The following NEGR1 variants were observed in gnomAD, a reference collection of about 807,000 sequenced individuals.
NEGR1 encodes neuronal growth regulator 1.
A neutral mutation model predicts 40.9 loss-of-function variants in NEGR1; 10 were observed. The ratio of observed to expected loss-of-function variants is 0.24; its 90% CI spans 0.15 to 0.42. The LOEUF is 0.42. NEGR1 is among the 10% of genes least tolerant of loss of function. The pLI is 1.00. For missense variants in NEGR1, 352 were observed against 438.9 expected, an observed-to-expected ratio of 0.80 and a Z score of 1.77; for synonymous variants, 185 against 166.8, an observed-to-expected ratio of 1.11 and a Z score of -0.84.
chr1:71,813,648 C>T (rs1658086902), intron 2 of NEGR1, among the ~76,000 whole-genome samples: 1 of 152,050 alleles, frequency 6.6e-6, no homozygotes, highest in African/African-American at 2.4e-5. Flanking sequence ...AGGTCCTTCA[C>T]TTCTCTTATT....
At chr1:71,550,550 C>A (rs1413201662) in intron 6 of NEGR1, among the ~76,000 whole-genome samples, 1 of 151,452 alleles carries the variant, frequency 6.6e-6, no homozygotes, top group African/African-American at 2.4e-5. Flanking sequence ...AGAACATCCA[C>A]ACTCTCATTC....
At chr1:71,941,696 A>C (rs996441516) in intron 1 of NEGR1, among the ~76,000 whole-genome samples, 1 of 152,142 alleles carries the variant, frequency 6.6e-6, no homozygotes, top group African/African-American at 2.4e-5. Flanking sequence ...CTAAGTGAGA[A>C]CTGCACTTCA....
At chr1:71,963,873 TA>T in intron 1 of NEGR1, among the ~76,000 whole-genome samples, 1 of 152,306 alleles carries the variant, frequency 6.6e-6, no homozygotes, top group East Asian at 1.9e-4. Flanking sequence ...ATGCAAGAAA[TA>T]CGAGTCCAAA....
chr1:72,079,097 A>T (rs1053490716), intron 1 of NEGR1, among the ~76,000 whole-genome samples: 2 of 147,884 alleles, frequency 1.4e-5, no homozygotes, highest in African/African-American at 4.9e-5. Context: ...ATATATATAT[A>T]TATATATATA....
intron 2 of NEGR1, among the ~76,000 whole-genome samples, chr1:71,897,469 G>C (rs1661004896): frequency 6.6e-6 from 1 of 152,118 alleles, no homozygotes; most frequent in Non-Finnish European, 1.5e-5. Context: ...ATACTAGTCT[G>C]ATATATCTAA....
At chr1:72,037,736 C>G (rs1646916068) in intron 1 of NEGR1, among the ~76,000 whole-genome samples, 1 of 152,096 alleles carries the variant, frequency 6.6e-6, no homozygotes, top group Non-Finnish European at 1.5e-5. Context: ...ACATCTGAAT[C>G]TATTTCCATT....
intron 2 of NEGR1, among the ~76,000 whole-genome samples, chr1:71,779,175 A>G (rs1432729176): frequency 1.3e-5 from 2 of 152,206 alleles, no homozygotes; most frequent in African/African-American, 4.8e-5. Flanking sequence ...AAATCCTTAC[A>G]TGCACGGTGG....
intron 6 of NEGR1, among the ~76,000 whole-genome samples, chr1:71,577,116 A>T (rs1557573366): frequency 1.3e-5 from 2 of 152,006 alleles, no homozygotes; most frequent in African/African-American, 2.4e-5. Context: ...CAGAATTGTA[A>T]TTTTTTTTGT....
chr1:72,161,687 T>C (rs1398648735), intron 1 of NEGR1, among the ~76,000 whole-genome samples: 3 of 139,044 alleles, frequency 2.2e-5, no homozygotes. Flanking sequence ...TTTTTTTTTT[T>C]TTTTTTTTTT....
chr1:71,958,756 G>A (rs992086755), intron 1 of NEGR1, among the ~76,000 whole-genome samples: 2 of 151,838 alleles, frequency 1.3e-5, no homozygotes, highest in East Asian at 1.9e-4. Flanking sequence ...GTTTGAGACC[G>A]GCCTGGCCAA....
At chr1:71,688,049 A>C (rs1170357862) in intron 4 of NEGR1, among the ~76,000 whole-genome samples, 1 of 151,748 alleles carries the variant, frequency 6.6e-6, no homozygotes, top group African/African-American at 2.4e-5. Context: ...ACATACATTG[A>C]TTATCAGTTA....
chr1:72,221,950 C>T (rs893509008), intron 1 of NEGR1, among the ~76,000 whole-genome samples: 17 of 152,044 alleles, frequency 1.1e-4, no homozygotes, highest in African/African-American at 2.9e-4. Flanking sequence ...TCTAGGCCCA[C>T]CCCCAAGACT....
At chr1:71,844,816 C>CT (rs1230593729) in intron 2 of NEGR1, among the ~76,000 whole-genome samples, 1 of 152,196 alleles carries the variant, frequency 6.6e-6, no homozygotes, top group Non-Finnish European at 1.5e-5. Flanking sequence ...CACATGGTGA[C>CT]TGGCCTTGGC....
chr1:71,723,738 T>A (rs2101656129), intron 3 of NEGR1, among the ~76,000 whole-genome samples: 1 of 152,226 alleles, frequency 6.6e-6, no homozygotes, highest in Admixed American at 6.5e-5. Flanking sequence ...TCCAGGAAAT[T>A]ACAGAACCAG....
At chr1:71,832,789 T>C (rs1382946524) in intron 2 of NEGR1, among the ~76,000 whole-genome samples, 1 of 152,018 alleles carries the variant, frequency 6.6e-6, no homozygotes, top group Admixed American at 6.6e-5. Flanking sequence ...GTAAAGTGCA[T>C]TGCCATGATT....
intron 6 of NEGR1, among the ~76,000 whole-genome samples, chr1:71,466,607 T>C (rs909726417): frequency 6.6e-6 from 1 of 152,066 alleles, no homozygotes; most frequent in African/African-American, 2.4e-5. Flanking sequence ...GAAGTCATGA[T>C]TGACAAAAAT....
intron 1 of NEGR1, among the ~76,000 whole-genome samples, chr1:72,275,485 A>C (rs1341868978): frequency 6.6e-6 from 1 of 152,132 alleles, no homozygotes; most frequent in Admixed American, 6.6e-5. Context: ...AGGGAAAAAA[A>C]ACAATAAATT....
rs1201267150 is a variant in NEGR1 at position 72,068,870 on chromosome 1, A to C, written c.177-133559T>G. 2.6e-5 allele frequency among the ~76,000 whole-genome samples: 4 copies of C among 152,178 alleles called. No homozygotes were observed. In the East Asian group the frequency reaches 7.7e-4, roughly 29 times the overall value. On this transcript the variant is annotated intron_variant, in intron 1 of 6. Coordinates refer to ENST00000357731, the MANE Select transcript of NEGR1 (RefSeq NM_173808.3). ...GTAGCAGCTAAATATGTAATCATTT[A>C]AATTTAACAAAACACATGTTTATCA...
chr1:71,917,184 G>A (rs1485195648), intron 2 of NEGR1, among the ~76,000 whole-genome samples: 1 of 152,166 alleles, frequency 6.6e-6, no homozygotes, highest in African/African-American at 2.4e-5. Context: ...GTTAAATATT[G>A]CACTGGGATA....
Sources: allele counts gnomAD v4.1 joint callset (sites outside exome capture counted in the v4.1 genomes callset), GRCh38; gene constraint gnomAD v4.1.1; transcripts MANE v1.5; gene names NCBI Gene and HGNC (gene_info 2026-07-23, HGNC 2026-07-21).